The following PLCG2 variants were observed in gnomAD, a reference collection of about 807,000 sequenced individuals.
PLCG2 encodes the protein phospholipase C gamma 2.
In PLCG2, 69 loss-of-function variants were observed where a neutral mutation model predicts 175.6. The observed-to-expected ratio is 0.39, with a 90% CI of 0.32 to 0.48. PLCG2 has a LOEUF of 0.48. Ranked by LOEUF, PLCG2 falls within the 20% of genes least tolerant of loss-of-function variation. The pLI is 0.91. For missense variants in PLCG2, 1,798 were observed against 1,650.9 expected (o/e 1.09, Z -1.54); for synonymous variants, 827 against 624.0 (o/e 1.33, Z -4.85).
chr16:81,770,950 C>T (rs912485283), intron 2 of PLCG2, among the ~76,000 whole-genome samples: 3 of 150,814 alleles, frequency 2.0e-5, no homozygotes, highest in South Asian at 2.1e-4. Context: ...CCCAGCTACT[C>T]GGGAGGCTGA....
chr16:81,750,663 A>ATTTTTTGTTT (rs1909791120), intron 1 of PLCG2, among the ~76,000 whole-genome samples: 2 of 68,446 alleles, frequency 2.9e-5, no homozygotes, highest in Admixed American at 2.7e-4. Context: ...GGGACTGGAG[A>ATTTTTTGTTT]TTTTTTTTTT....
chr16:81,871,523 A>G (rs972084507), intron 7 of PLCG2, among the ~76,000 whole-genome samples: 1 of 152,038 alleles, frequency 6.6e-6, no homozygotes, highest in Admixed American at 6.6e-5. Context: ...TTTTTAGTAG[A>G]GATGGGGTTT....
chr16:81,845,934 G>C (rs1906092197), intron 2 of PLCG2, among the ~76,000 whole-genome samples: 1 of 152,176 alleles, frequency 6.6e-6, no homozygotes, highest in Admixed American at 6.5e-5. Context: ...TGGTGACCCT[G>C]GCCAAGGTAC....
chr16:81,840,322 A>T (rs770552144), intron 2 of PLCG2, among the ~76,000 whole-genome samples: 10 of 152,098 alleles, frequency 6.6e-5, no homozygotes, highest in Non-Finnish European at 1.2e-4. Flanking sequence ...CTTTTTTGGC[A>T]CCAGGGGCCG....
intron 2 of PLCG2, among the ~76,000 whole-genome samples, chr16:81,823,402 C>T (rs954339233): frequency 1.3e-5 from 2 of 152,204 alleles, no homozygotes; most frequent in Middle Eastern, 3.2e-3. Context: ...GCTCCCCACC[C>T]CTCGCCCCAT....
intron 2 of PLCG2, among the ~76,000 whole-genome samples, chr16:81,829,763 T>G (rs1316042360): frequency 6.6e-6 from 1 of 152,230 alleles, no homozygotes; most frequent in East Asian, 1.9e-4. Context: ...AAGAGCCATT[T>G]TGTCCACTCT....
intron 7 of PLCG2, among the ~76,000 whole-genome samples, chr16:81,874,873 T>C (rs1907690541): frequency 6.6e-6 from 1 of 151,564 alleles, no homozygotes. Context: ...AACTAGGCTG[T>C]AATAACAGTA....
intron 2 of PLCG2, among the ~76,000 whole-genome samples, chr16:81,824,723 T>A (rs758555042): frequency 3.3e-5 from 5 of 152,202 alleles, no homozygotes; most frequent in Admixed American, 6.5e-5. Flanking sequence ...GGCCTTTTTG[T>A]CCTTCCCCAT....
intron 2 of PLCG2, among the ~76,000 whole-genome samples, chr16:81,760,073 C>G (rs1910006734): frequency 1.3e-5 from 2 of 152,186 alleles, no homozygotes; most frequent in South Asian, 4.1e-4. Context: ...TTGCAGTGAG[C>G]CGAGATCGCG....
chr16:81,898,412 A>G (rs1338303877), intron 13 of PLCG2: 1 of 152,504 alleles, frequency 6.6e-6, no homozygotes. Flanking sequence ...AAAGCTTTTT[A>G]GCTGTTATGT....
chr16:81,876,922 T>A (rs145406830), intron 7 of PLCG2, among the ~76,000 whole-genome samples: 1 of 152,336 alleles, frequency 6.6e-6, no homozygotes, highest in Non-Finnish European at 1.5e-5. Flanking sequence ...GTACGTGTAG[T>A]GTGGGATGCT....
chr16:81,742,466 G>A (rs1197424072), intron 1 of PLCG2, among the ~76,000 whole-genome samples: 4 of 152,138 alleles, frequency 2.6e-5, no homozygotes, highest in African/African-American at 7.2e-5. Flanking sequence ...TATCTCCCTG[G>A]AGCCCCAGCC....
intron 5 of PLCG2, among the ~76,000 whole-genome samples, chr16:81,860,551 T>A (rs1906930380): frequency 6.6e-6 from 1 of 152,224 alleles, no homozygotes; most frequent in South Asian, 2.1e-4. Context: ...CTTTGATCTT[T>A]GTTCATCTGC....
At chr16:81,813,569 A>C (rs144913066) in intron 2 of PLCG2, among the ~76,000 whole-genome samples, 11 of 152,174 alleles carry the variant, frequency 7.2e-5, no homozygotes, top group Admixed American at 5.2e-4. Context: ...AGATTTTTCT[A>C]TAACAGTGTA....
chr16:81,911,790 C>CTTTTTTTTTTTT (rs35027472), intron 18 of PLCG2, among the ~76,000 whole-genome samples: 1 of 67,238 alleles, frequency 1.5e-5, no homozygotes, highest in Non-Finnish European at 2.6e-5. Context: ...TTTGTATTTC[C>CTTTTTTTTTTTT]TTTTTTTTTT....
At chr16:81,891,883 T>G (rs1235314949) in intron 11 of PLCG2, among the ~76,000 whole-genome samples, 1 of 152,160 alleles carries the variant, frequency 6.6e-6, no homozygotes, top group East Asian at 1.9e-4. Context: ...TAAACTTAGT[T>G]TTTCACGATT....
chr16:81,899,289 T>TATATATATACACACACACACACAC (rs908648451), intron 13 of PLCG2, among the ~76,000 whole-genome samples: 5 of 92,418 alleles, frequency 5.4e-5, no homozygotes, highest in African/African-American at 1.9e-4. Flanking sequence ...TATATATATA[T>TATATATATACACACACACACACAC]ACACACACAC....
intron 2 of PLCG2, among the ~76,000 whole-genome samples, chr16:81,770,200 C>A (rs1231429971): frequency 2.0e-5 from 3 of 152,128 alleles, no homozygotes; most frequent in Admixed American, 1.3e-4. Flanking sequence ...GCCCACATCA[C>A]CCACACCCCA....
rs370683432 is a variant in PLCG2, at chr16:81,786,139, G to A, written c.150G>A (p.Arg50=). 1.2e-6 allele frequency: 2 copies of A among 1,614,206 alleles called. No homozygotes were observed. The highest frequency in any genetic ancestry group is 1.3e-5 in the African/African-American group (1 of 75,058). ...CCGTCCAGGTGATCATGGAGACGCG[G>A]CAGGTGGCCTGGAGCAAGACCGCTG... ...RRTVQVIMET[R]QVAWSKTADK... The change falls in exon 2 of 33, where the codon CGG becomes CGA. Residue 50 remains arginine, a synonymous_variant. Transcript: ENST00000564138.
Sources: allele counts gnomAD v4.1 joint callset (sites outside exome capture counted in the v4.1 genomes callset), GRCh38; gene constraint gnomAD v4.1.1; transcripts MANE v1.5; gene names NCBI Gene and HGNC (gene_info 2026-07-23, HGNC 2026-07-21).